SUSD6: variants seen among roughly 807,000 people sequenced by gnomAD.
The protein encoded by SUSD6 is sushi domain containing 6.
A neutral mutation model predicts 28.4 loss-of-function variants in SUSD6; 16 were observed. The observed-to-expected ratio is 0.56, with a 90% CI of 0.38 to 0.86. SUSD6 has a LOEUF of 0.86. Among genes scored for constraint, SUSD6 ranks in the 40% least tolerant of loss-of-function variants. The pLI, the probability that SUSD6 is intolerant of heterozygous loss-of-function variation, is 0.00. For synonymous variants in SUSD6, 147 were observed against 159.6 expected, an observed-to-expected ratio of 0.92 and a Z score of 0.59; for missense variants, 341 against 384.2, an observed-to-expected ratio of 0.89 and a Z score of 0.94.
intron 2 of SUSD6, among the ~76,000 whole-genome samples, chr14:69,700,870 T>C (rs1431064478): frequency 6.6e-6 from 1 of 152,260 alleles, no homozygotes; most frequent in Admixed American, 6.5e-5. Context: ...ACCTTGTATA[T>C]TTCCCATGAG....
intron 1 of SUSD6, among the ~76,000 whole-genome samples, chr14:69,653,634 A>G (rs915454823): frequency 6.6e-6 from 1 of 151,930 alleles, no homozygotes; most frequent in African/African-American, 2.4e-5. Flanking sequence ...TTTTTTAATT[A>G]GGAGGAGTAG....
At chr14:69,645,660 C>G (rs997532426) in intron 1 of SUSD6, among the ~76,000 whole-genome samples, 1 of 152,186 alleles carries the variant, frequency 6.6e-6, no homozygotes, top group Admixed American at 6.5e-5. Flanking sequence ...TTATAAGACA[C>G]AAACCCCCTC....
chr14:69,626,011 G>A (rs1350090377), intron 1 of SUSD6, among the ~76,000 whole-genome samples: 2 of 152,130 alleles, frequency 1.3e-5, no homozygotes, highest in South Asian at 2.1e-4. Flanking sequence ...AGAACAATCT[G>A]CCTGTTTGTG....
At chr14:69,710,823 G>A (rs533313204) in intron 5 of SUSD6, 131 bp from the exon 6 acceptor site, 18 of 834,828 alleles carry the variant, frequency 2.2e-5, no homozygotes, top group South Asian at 8.8e-5. Context: ...ACCTAGAAGT[G>A]TATGAGTGGG....
intron 2 of SUSD6, among the ~76,000 whole-genome samples, chr14:69,663,607 T>A (rs1252135485): frequency 6.6e-6 from 1 of 152,234 alleles, no homozygotes; most frequent in Admixed American, 6.5e-5. Flanking sequence ...CAGGCTCTGT[T>A]ATCGTTCCAT....
intron 2 of SUSD6, among the ~76,000 whole-genome samples, chr14:69,674,827 A>G (rs1438296588): frequency 6.6e-6 from 1 of 152,064 alleles, no homozygotes; most frequent in African/African-American, 2.4e-5. Flanking sequence ...GCCTTGGTTA[A>G]TTGTTACTTA....
chr14:69,634,378 T>C (rs1189915032), intron 1 of SUSD6, among the ~76,000 whole-genome samples: 2 of 152,236 alleles, frequency 1.3e-5, no homozygotes, highest in Admixed American at 6.5e-5. Flanking sequence ...ACAAACATTT[T>C]CTTTGTCATG....
Position 69,658,655 on chromosome 14 carries a change from T to G in SUSD6, c.63T>G (p.His21Gln), listed in dbSNP as rs751305170. The G allele has an allele frequency of 2.0e-5, 32 of 1,613,970 alleles. No individual in the cohort carries two copies. Among genetic ancestry groups the G allele is most frequent in the Non-Finnish European group, 2.6e-5 (31 of 1,179,966 alleles). The change falls in exon 2 of 6, where the codon CAT becomes CAG. Residue 21 changes from histidine to glutamine, a missense_variant. Coordinates refer to ENST00000342745, the MANE Select transcript of SUSD6 (RefSeq NM_014734.4). ...TSVFAVASVGHGVFLPLVILC... is the reference protein window; with the variant it reads ...TSVFAVASVGQGVFLPLVILC... ...TGTTTGCCGTGGCCTCCGTGGGACA[T>G]GGAGTGTTCCTTCCGCTAGTGATCC...
intron 1 of SUSD6, among the ~76,000 whole-genome samples, chr14:69,639,753 T>C (rs1430671468): frequency 2.0e-5 from 3 of 152,190 alleles, no homozygotes; most frequent in Non-Finnish European, 2.9e-5. Flanking sequence ...GGGGTTGTCC[T>C]GTGTGTTGTG....
intron 4 of SUSD6, among the ~76,000 whole-genome samples, chr14:69,705,369 T>C (rs1002924703): frequency 6.6e-6 from 1 of 150,580 alleles, no homozygotes; most frequent in Non-Finnish European, 1.5e-5. Context: ...TCCAAAGCCA[T>C]GTCATTTCCC....
intron 2 of SUSD6, among the ~76,000 whole-genome samples, chr14:69,696,402 T>C (rs1482572399): frequency 6.6e-6 from 1 of 152,268 alleles, no homozygotes; most frequent in Admixed American, 6.5e-5. Flanking sequence ...AACAGAACTA[T>C]ACATTTAAAC....
rs773062109 is a variant in SUSD6 at position 69,703,536 on chromosome 14, C to T, written c.263C>T (p.Thr88Met). 7.4e-6 allele frequency: 12 copies of T among 1,614,174 alleles called. No homozygotes were observed. Among genetic ancestry groups the T allele is most frequent in the East Asian group, 2.2e-5 (1 of 44,886 alleles). ...YMLKGDYKYL[T>M]CKNGEWKPAM... ...TTGAAGGGCGATTACAAATACCTGA[C>T]GTGTAAGAATGGCGAGTGGAAACCA... Residue 88 changes from threonine to methionine, a missense_variant, in exon 3 of 6, where the codon ACG (threonine) becomes ATG (methionine). Transcript: ENST00000342745.
chr14:69,638,640 C>G (rs559068907), intron 1 of SUSD6, among the ~76,000 whole-genome samples: 1 of 152,318 alleles, frequency 6.6e-6, no homozygotes, highest in African/African-American at 2.4e-5. Context: ...GATTCTGATT[C>G]AGTAGATCTG....
intron 2 of SUSD6, among the ~76,000 whole-genome samples, chr14:69,680,812 A>G (rs1252611275): frequency 6.6e-6 from 1 of 152,144 alleles, no homozygotes; most frequent in African/African-American, 2.4e-5. Flanking sequence ...AGACCCTACA[A>G]AACTCAACAA....
intron 2 of SUSD6, among the ~76,000 whole-genome samples, chr14:69,686,318 G>T (rs1433683894): frequency 6.6e-6 from 1 of 152,006 alleles, no homozygotes; most frequent in Non-Finnish European, 1.5e-5. Flanking sequence ...ATCTTTTTTG[G>T]CTTTCTGAGT....
intron 2 of SUSD6, among the ~76,000 whole-genome samples, chr14:69,665,161 T>C (rs1233086331): frequency 2.0e-5 from 3 of 152,250 alleles, no homozygotes; most frequent in Admixed American, 2.0e-4. Context: ...TGCTGACTTC[T>C]TTCCAGCCCT....
At chr14:69,705,895 G>A (rs540234958) in intron 4 of SUSD6, among the ~76,000 whole-genome samples, 1 of 152,238 alleles carries the variant, frequency 6.6e-6, no homozygotes, top group African/African-American at 2.4e-5. Flanking sequence ...GGCCATTGTG[G>A]CTTCTGCAGT....
At chr14:69,661,626 G>C (rs981330111) in intron 2 of SUSD6, among the ~76,000 whole-genome samples, 1 of 152,116 alleles carries the variant, frequency 6.6e-6, no homozygotes, top group Non-Finnish European at 1.5e-5. Context: ...GTAGCTTCTA[G>C]GGGAGTAGGT....
At chr14:69,693,285 G>A (rs532339946) in intron 2 of SUSD6, among the ~76,000 whole-genome samples, 81 of 151,956 alleles carry the variant, frequency 5.3e-4, no homozygotes, top group Admixed American at 7.2e-4. Flanking sequence ...AACAGTGGGA[G>A]GGGGAGGGGT....
Sources: allele counts gnomAD v4.1 joint callset (sites outside exome capture counted in the v4.1 genomes callset), GRCh38; gene constraint gnomAD v4.1.1; transcripts MANE v1.5; gene names NCBI Gene and HGNC (gene_info 2026-07-23, HGNC 2026-07-21).